Variants in FAM184B observed in about 807,000 individuals in gnomAD.
FAM184B encodes protein FAM184B.
In FAM184B, 111 loss-of-function variants were observed where a neutral mutation model predicts 135.9. The ratio of observed to expected loss-of-function variants is 0.82; its 90% CI spans 0.70 to 0.96. The LOEUF is 0.96. FAM184B is among the 40% of genes least tolerant of loss of function. The pLI, the probability that FAM184B is intolerant of heterozygous loss-of-function variation, is 0.00. For missense variants in FAM184B, 1,375 were observed against 1,323.9 expected, an observed-to-expected ratio of 1.04 and a Z score of -0.60; for synonymous variants, 552 against 524.8, an observed-to-expected ratio of 1.05 and a Z score of -0.71.
At chr4:17,778,602 G>C (rs921367927) in intron 1 of FAM184B, among the ~76,000 whole-genome samples, 1 of 152,246 alleles carries the variant, frequency 6.6e-6, no homozygotes, top group African/African-American at 2.4e-5. Flanking sequence ...GCACATGCCT[G>C]AGCTTTGGAA....
chr4:17,666,740 G>A (rs1560172072), intron 7 of FAM184B, among the ~76,000 whole-genome samples: 1 of 151,704 alleles, frequency 6.6e-6, no homozygotes, highest in Non-Finnish European at 1.5e-5. Context: ...ACGTTGACTT[G>A]TCCACTTTTT....
chr4:17,685,048 G>A (rs1414864974), intron 7 of FAM184B, among the ~76,000 whole-genome samples: 2 of 151,908 alleles, frequency 1.3e-5, no homozygotes, highest in Non-Finnish European at 2.9e-5. Context: ...TGTTGAGGGA[G>A]GGTGTTGGGT....
chr4:17,709,070 G>A lies in FAM184B; in HGVS notation c.716C>T (p.Ser239Leu), dbSNP rs1577270289. The A allele has an allele frequency of 1.9e-6, 3 of 1,550,082 alleles. No homozygotes were observed. Among genetic ancestry groups the A allele is most frequent in the Non-Finnish European group, 2.6e-6 (3 of 1,146,944 alleles). Residue 239 changes from serine (S) to leucine (L), a missense_variant, in exon 2 of 18, where the codon TCG becomes TTG. Transcript: ENST00000265018. The part of the protein sequence containing the change: ...NEAIRQAMQQ[S>L]VSQALWQWQE... ...CCACTGCCACAGGGCCTGGCTCACCGACTGCTGCATGGCCTGCCGGATGGC... is the reference window on the plus strand; with the variant it reads ...CCACTGCCACAGGGCCTGGCTCACCAACTGCTGCATGGCCTGCCGGATGGC...
intron 7 of FAM184B, among the ~76,000 whole-genome samples, chr4:17,683,561 A>G (rs1370661876): frequency 2.6e-5 from 4 of 152,184 alleles, no homozygotes. Context: ...CTTAACTACT[A>G]TACTATATTA....
chr4:17,727,641 T>A (rs1717672231), intron 1 of FAM184B, among the ~76,000 whole-genome samples: 1 of 152,142 alleles, frequency 6.6e-6, no homozygotes. Context: ...AATCATCAGA[T>A]CTTGTGAGAA....
rs1715662948 is a variant in FAM184B, at chr4:17,652,875, G to A, written c.2146C>T (p.Gln716Ter). ...GCCTGCATCCTCTCACGCTCCTCCT[G>A]CAGCTCTTGCCTGGCCTTTTCCTCC... ...ALEEKARQEL[Q>*]EERERMQAQQ... The change falls in exon 11 of 18, where the codon CAG (glutamine) becomes TAG (stop). Residue 716 changes from glutamine to a stop codon, truncating the protein, a stop_gained. Transcript: ENST00000265018. LOFTEE classifies it high-confidence loss of function. The A allele has an allele frequency of 6.4e-7, 1 of 1,551,736 alleles. No individual in the cohort carries two copies.
At chr4:17,654,193 C>CTTTT (rs199536597) in intron 10 of FAM184B, among the ~76,000 whole-genome samples, 4 of 138,308 alleles carry the variant, frequency 2.9e-5, no homozygotes, top group African/African-American at 1.1e-4. Flanking sequence ...ATAGTTTCTG[C>CTTTT]TTTTTTTTTT....
intron 11 of FAM184B, among the ~76,000 whole-genome samples, chr4:17,648,675 T>C (rs1715531250): frequency 6.6e-6 from 1 of 152,052 alleles, no homozygotes; most frequent in Admixed American, 6.6e-5. Context: ...TAAGACAAAA[T>C]GTTCACAGGT....
At chr4:17,657,235 C>CACAGTGCA (rs1435755097) in intron 10 of FAM184B, among the ~76,000 whole-genome samples, 3 of 152,194 alleles carry the variant, frequency 2.0e-5, no homozygotes, top group African/African-American at 7.2e-5. Flanking sequence ...TTGTAAAACA[C>CACAGTGCA]ACAGTGCAAT....
Position 17,632,607 on chromosome 4 carries a change from C to T in FAM184B, c.3108G>A (p.Thr1036=), listed in dbSNP as rs773680468. The change falls in exon 18 of 18, where the codon ACG becomes ACA. Residue 1036 remains threonine, a synonymous_variant. Transcript: ENST00000265018. ...KTATRTPDGE[T]AQAKEVQQKQ... Reference sequence around the variant, plus strand: ...TCTGCTGGACTTCTTTGGCTTGGGCCGTTTCACCATCTGGGGTCCTAAAAG... The same window carrying T: ...TCTGCTGGACTTCTTTGGCTTGGGCTGTTTCACCATCTGGGGTCCTAAAAG... The T allele has an allele frequency of 9.7e-6, 15 of 1,550,384 alleles. No homozygotes were observed. Among genetic ancestry groups the T allele is most frequent in the South Asian group, 4.8e-5 (4 of 84,000 alleles).
rs1714936765 is a variant in FAM184B, at chr4:17,631,378, TG to T, written c.*1153del. On this transcript the variant is annotated 3_prime_UTR_variant, in exon 18 of 18. Coordinates refer to ENST00000265018, the MANE Select transcript of FAM184B (RefSeq NM_015688.2). ...GGAGGTCTCGCTGTGTTGCCCAGGC[TG>T]GTCTCAAATTCCTGGCCTCAAGCTC... The T allele has an allele frequency of 6.6e-6, 1 of 152,342 alleles. No homozygotes were observed. Among genetic ancestry groups the T allele is most frequent in the Non-Finnish European group, 1.5e-5 (1 of 68,172 alleles). The allele number at this position is 152,342 out of a possible 1,614,324, so 9.4% of individuals were successfully genotyped here. A position where few individuals can be genotyped will look rare whatever the true frequency, so the allele number is the denominator to read the frequency against.
chr4:17,634,518 T>C (rs1347378543), intron 16 of FAM184B, among the ~76,000 whole-genome samples: 1 of 152,076 alleles, frequency 6.6e-6, no homozygotes, highest in South Asian at 2.1e-4. Flanking sequence ...GAGTTGGAGT[T>C]TCACCACGTT....
At chr4:17,736,086 C>T (rs1453453353) in intron 1 of FAM184B, among the ~76,000 whole-genome samples, 2 of 152,174 alleles carry the variant, frequency 1.3e-5, no homozygotes, top group Non-Finnish European at 2.9e-5. Flanking sequence ...GAGGCAACAT[C>T]TTCCTATACC....
chr4:17,771,471 A>G (rs1718816729), intron 1 of FAM184B, among the ~76,000 whole-genome samples: 3 of 152,222 alleles, frequency 2.0e-5, no homozygotes, highest in Admixed American at 1.3e-4. Context: ...AAATTAAAAG[A>G]TTCCAACAGA....
At chr4:17,718,618 G>T (rs1371590004) in intron 1 of FAM184B, among the ~76,000 whole-genome samples, 2 of 152,240 alleles carry the variant, frequency 1.3e-5, no homozygotes, top group Non-Finnish European at 2.9e-5. Flanking sequence ...CCAAGGGAAT[G>T]TGAGTGGACT....
At chr4:17,671,442 G>A (rs1319644424) in intron 7 of FAM184B, among the ~76,000 whole-genome samples, 2 of 152,108 alleles carry the variant, frequency 1.3e-5, no homozygotes, top group African/African-American at 4.8e-5. Flanking sequence ...GTGAGCAAAT[G>A]AAAACCACAG....
rs114978422 is a variant in FAM184B, at chr4:17,728,234, A to G, written c.142-18590T>C. On this transcript the variant is annotated intron_variant, in intron 1 of 17. Coordinates refer to ENST00000265018, the MANE Select transcript of FAM184B (RefSeq NM_015688.2). ...TTGCTGATGGAAGAGGATCAGGGCC[A>G]ACATTGCATATCCATCCACAAGCAT... Among the ~76,000 whole-genome samples the G allele has an allele frequency of 9.1e-3, 1,391 of 152,294 alleles. 20 individuals carry two copies. Among genetic ancestry groups the G allele is most frequent in the African/African-American group, 0.031 (1,289 of 41,566 alleles).
chr4:17,725,374 A>C (rs1717616249), intron 1 of FAM184B, among the ~76,000 whole-genome samples: 1 of 152,196 alleles, frequency 6.6e-6, no homozygotes, highest in African/African-American at 2.4e-5. Flanking sequence ...GAGGCATGTA[A>C]TTATTATCCC....
In FAM184B at chr4:17,660,065, C is replaced by T. The variant is rs1284298338; in HGVS notation, c.1717G>A (p.Gly573Arg). 6.4e-7 allele frequency: 1 copy of T among 1,551,396 alleles called. No individual in the cohort carries two copies. Among genetic ancestry groups the T allele is most frequent in the African/African-American group, 1.4e-5 (1 of 73,028 alleles). Residue 573 changes from glycine to arginine, a missense_variant, in exon 9 of 18, where the codon GGA (glycine) becomes AGA (arginine). Gly to Arg is a moderately radical substitution (Grantham distance 125). Coordinates refer to ENST00000265018, the MANE Select transcript of FAM184B (RefSeq NM_015688.2). Reference protein sequence around the residue: ...EERTKVLLKEGSDPQPPLGSL... With the variant: ...EERTKVLLKERSDPQPPLGSL... ...CCCAGTGGAGGTTGTGGGTCACTTCCCTCCTTGAGAAGCACTTTGGTCCTT... is the reference window on the plus strand; with the variant it reads ...CCCAGTGGAGGTTGTGGGTCACTTCTCTCCTTGAGAAGCACTTTGGTCCTT...
Sources: gnomAD v4.1 joint callset for allele counts (sites outside exome capture counted in the v4.1 genomes callset) on GRCh38, gnomAD v4.1.1 for gene constraint, MANE v1.5 for transcripts, NCBI Gene and HGNC (gene_info 2026-07-23, HGNC 2026-07-21) for gene names.